RFLNA: variants seen among roughly 807,000 people sequenced by gnomAD.
RFLNA encodes refilin A.
In RFLNA, 5 loss-of-function variants were observed where a neutral mutation model predicts 7.8. That is an observed-to-expected ratio of 0.64 (90% CI 0.34 to 1.35). The LOEUF is 1.35. RFLNA is among the 40% of genes most tolerant of loss of function. The pLI, the probability that RFLNA is intolerant of heterozygous loss-of-function variation, is 0.04. For missense variants in RFLNA, 278 were observed against 305.5 expected (o/e 0.91, Z 0.67); for synonymous variants, 141 against 131.3 (o/e 1.07, Z -0.50).
rs1405700536 is a variant in RFLNA at position 124,314,952 on chromosome 12, C to T, written c.*427C>T. On this transcript the variant is annotated 3_prime_UTR_variant, in exon 3 of 3. Transcript: ENST00000546355. ...CCCAGAGCCCTGCCACCCCATGTGTCCTAGGCTGGTGGCCAAGGCCATGTG... is the reference window on the plus strand; with the variant it reads ...CCCAGAGCCCTGCCACCCCATGTGTTCTAGGCTGGTGGCCAAGGCCATGTG... 1 of 348,742 alleles carries T rather than the reference C, an allele frequency of 2.9e-6. No individual in the cohort carries two copies. The highest frequency in any genetic ancestry group is 7.4e-5 in the East Asian group (1 of 13,496). 21.6% of individuals were successfully genotyped at this position (348,742 alleles called of 1,614,324 possible).
Position 124,314,817 on chromosome 12 carries a change from G to T in RFLNA, c.*292G>T, listed in dbSNP as rs2034322318. On this transcript the variant is annotated 3_prime_UTR_variant, in exon 3 of 3. Coordinates refer to ENST00000546355, the MANE Select transcript of RFLNA (RefSeq NM_001365156.1). The stretch of plus-strand genomic sequence containing the variant: ...CTGTTAGGTGGTGGCCACCCCCAGG[G>T]TCAGGGGAAAAGAATGGGTCCATGG... The T allele has an allele frequency of 3.2e-6, 2 of 616,784 alleles. No homozygotes were observed. Among genetic ancestry groups the T allele is most frequent in the Non-Finnish European group, 6.1e-6 (2 of 330,420 alleles). 38.2% of individuals were successfully genotyped at this position (616,784 alleles called of 1,614,324 possible).
chr12:124,313,319 G>A (rs1010290663), intron 2 of RFLNA, among the ~76,000 whole-genome samples: 4 of 152,216 alleles, frequency 2.6e-5, no homozygotes, highest in East Asian at 3.9e-4. Context: ...GATACTAGTC[G>A]GTCACTCCTC....
chr12:124,300,262 T>C (rs1347012045), intron 1 of RFLNA, among the ~76,000 whole-genome samples: 1 of 152,214 alleles, frequency 6.6e-6, no homozygotes, highest in Non-Finnish European at 1.5e-5. Flanking sequence ...CTTCCCTCCA[T>C]CCAGCCTCCC....
At chr12:124,298,053 G>A (rs993701294) in intron 1 of RFLNA, among the ~76,000 whole-genome samples, 5 of 152,210 alleles carry the variant, frequency 3.3e-5, no homozygotes, top group East Asian at 1.9e-4. Context: ...GAGCGGTGCC[G>A]GGTTTCCATG....
Position 124,306,067 on chromosome 12 carries a change from A to G in RFLNA, c.208-5751A>G, listed in dbSNP as rs1688652685. On this transcript the variant is annotated intron_variant, in intron 1 of 2. Coordinates refer to ENST00000546355, the MANE Select transcript of RFLNA (RefSeq NM_001365156.1). The surrounding 1 kb of genome is among the most constrained non-coding windows in gnomAD (Gnocchi z 5.2). ...ATGTTTGTCCACAGACTGCTGCCAA[A>G]CTTGAGGACAGGTATGGGCCCATAC... is the stretch of plus-strand genomic sequence containing the variant. Among the ~76,000 whole-genome samples, 1 of 152,012 alleles carries G rather than the reference A, an allele frequency of 6.6e-6. No homozygotes were observed. Among genetic ancestry groups the G allele is most frequent in the South Asian group, 2.1e-4 (1 of 4,816 alleles).
intron 1 of RFLNA, among the ~76,000 whole-genome samples, chr12:124,303,692 G>A (rs917758440): frequency 3.3e-5 from 5 of 152,238 alleles, no homozygotes; most frequent in Admixed American, 6.5e-5. Context: ...ATCCCTGATG[G>A]TCCCCCAGCC....
At chr12:124,303,416 C>G (rs896292311) in intron 1 of RFLNA, among the ~76,000 whole-genome samples, 10 of 152,204 alleles carry the variant, frequency 6.6e-5, no homozygotes, top group Non-Finnish European at 1.0e-4. Context: ...CTCCAGGGCC[C>G]GTCCTGCCCC....
In RFLNA at chr12:124,314,732, G is replaced by A; in HGVS notation, c.*207G>A. On this transcript the variant is annotated 3_prime_UTR_variant, in exon 3 of 3. Transcript: ENST00000546355. ...GTGGTCTCCTTGTTTTGGTGTCAAGGACTCAGTAAAAGCATCTATTTTTTT... is the reference window on the plus strand; with the variant it reads ...GTGGTCTCCTTGTTTTGGTGTCAAGAACTCAGTAAAAGCATCTATTTTTTT... The A allele has an allele frequency of 2.3e-6, 2 of 870,962 alleles. No individual in the cohort carries two copies. The highest frequency in any genetic ancestry group is 3.7e-6 in the Non-Finnish European group (2 of 540,100). The allele number at this position is 870,962 out of a possible 1,614,324, so 54.0% of individuals were successfully genotyped here.
intron 1 of RFLNA, among the ~76,000 whole-genome samples, chr12:124,309,141 G>A (rs1359805688): frequency 6.6e-6 from 1 of 151,848 alleles, no homozygotes; most frequent in Non-Finnish European, 1.5e-5. Context: ...TGGCTGTGTG[G>A]CCCTGGGGCC....
chr12:124,290,785 G>A (rs887348674), upstream of RFLNA, among the ~76,000 whole-genome samples: 2 of 152,158 alleles, frequency 1.3e-5, no homozygotes, highest in Non-Finnish European at 2.9e-5. This position sits in a 1 kb window ranked among gnomAD's most constrained non-coding sequence, Gnocchi z 4.0. Context: ...CCCCTAATAT[G>A]CTTATATTTA....
chr12:124,305,455 AAC>A (rs779223994), intron 1 of RFLNA, among the ~76,000 whole-genome samples: 8 of 152,222 alleles, frequency 5.3e-5, no homozygotes, highest in Non-Finnish European at 1.0e-4. Context: ...CCAATTACCA[AAC>A]ACAGAGTGGC....
rs577048636 is a variant in RFLNA at position 124,314,340 on chromosome 12, G to C, written c.466G>C (p.Glu156Gln). 4 of 1,613,452 alleles carry C rather than the reference G, an allele frequency of 2.5e-6. No homozygotes were observed. In the South Asian group the frequency reaches 4.4e-5, roughly 18 times the overall value. ...WRNYRSQLTL[E>Q]PRPRALRFRS... Reference sequence around the variant, plus strand: ...CAACTACCGCAGCCAGCTGACCCTGGAGCCACGCCCGCGCGCCCTGCGCTT... The same window carrying C: ...CAACTACCGCAGCCAGCTGACCCTGCAGCCACGCCCGCGCGCCCTGCGCTT... The change falls in exon 3 of 3, where the codon GAG becomes CAG. Residue 156 changes from glutamate to glutamine, a missense_variant. Physicochemically the swap from Glu to Gln is conservative, Grantham distance 29 (BLOSUM62 2). Coordinates refer to ENST00000546355, the MANE Select transcript of RFLNA (RefSeq NM_001365156.1).
chr12:124,294,844 G>A (rs1294395902), upstream of RFLNA, among the ~76,000 whole-genome samples: 1 of 152,260 alleles, frequency 6.6e-6, no homozygotes, highest in South Asian at 2.1e-4. Context: ...ATGATTACTC[G>A]TATGTCTTGG....
intron 1 of RFLNA, among the ~76,000 whole-genome samples, chr12:124,296,837 G>T (rs144058776): frequency 1.3e-5 from 2 of 152,344 alleles, no homozygotes; most frequent in Non-Finnish European, 1.5e-5. Flanking sequence ...CATCAGGAGG[G>T]TTTCAGTCTC....
At chr12:124,305,399 C>T (rs2034120853) in intron 1 of RFLNA, among the ~76,000 whole-genome samples, 1 of 152,234 alleles carries the variant, frequency 6.6e-6, no homozygotes. Flanking sequence ...GACGGGAAGT[C>T]ATTGGCCCAA....
chr12:124,299,612 T>C (rs555623891), intron 1 of RFLNA, among the ~76,000 whole-genome samples: 1 of 152,380 alleles, frequency 6.6e-6, no homozygotes, highest in African/African-American at 2.4e-5. Flanking sequence ...GTGTTTGGTT[T>C]TCCATTCCTG....
At chr12:124,311,053 A>G (rs1248774034) in intron 1 of RFLNA, among the ~76,000 whole-genome samples, 1 of 152,190 alleles carries the variant, frequency 6.6e-6, no homozygotes, top group Non-Finnish European at 1.5e-5. Flanking sequence ...TCTCCTCAGC[A>G]TAGCTCCATT....
intron 1 of RFLNA, among the ~76,000 whole-genome samples, chr12:124,305,366 C>A (rs953595966): frequency 3.9e-5 from 6 of 152,222 alleles, no homozygotes; most frequent in Admixed American, 3.9e-4. Flanking sequence ...ACTTCAGAGA[C>A]GTGGAGGCTG....
chr12:124,295,252 G>A lies in RFLNA; in HGVS notation c.-178G>A, dbSNP rs1157424385. 18 of 161,184 alleles carry A rather than the reference G, an allele frequency of 1.1e-4. No homozygotes were observed. The East Asian group carries it at 1.9e-3, about 17-fold the overall frequency. The allele number at this position is 161,184 out of a possible 1,614,324, so 10.0% of individuals were successfully genotyped here. On this transcript the variant is annotated 5_prime_UTR_variant, in exon 1 of 3. Transcript: ENST00000546355. ...GAGCGCGGCCCACGGCGGCGAGCAG[G>A]CTGCAGGCCCGCGGGGATCCGGGGC...
Sources: gnomAD v4.1 joint callset for allele counts (sites outside exome capture counted in the v4.1 genomes callset) on GRCh38, gnomAD v4.1.1 for gene constraint, Gnocchi (gnomAD v3.1) non-coding constraint, MANE v1.5 for transcripts, NCBI Gene and HGNC (gene_info 2026-07-23, HGNC 2026-07-21) for gene names.